The following AZIN2 variants were observed in gnomAD, a reference collection of about 807,000 sequenced individuals.
AZIN2 encodes antizyme inhibitor 2.
In AZIN2, 28 loss-of-function variants were observed where a neutral mutation model predicts 47.8. That is an observed-to-expected ratio of 0.59 (90% CI 0.43 to 0.80). The LOEUF (loss-of-function observed/expected upper bound fraction) is 0.80. Ranked by LOEUF, AZIN2 falls within the 30% of genes least tolerant of loss-of-function variation. The pLI is 0.00. For synonymous variants in AZIN2, 221 were observed against 239.4 expected (o/e 0.92, Z 0.71); for missense variants, 535 against 582.5 (o/e 0.92, Z 0.84).
the AZIN2 span, among the ~76,000 whole-genome samples, chr1:33,151,225 G>T: frequency 6.6e-6 from 1 of 152,146 alleles, no homozygotes. Context: ...GCCCTGGCGA[G>T]CGGACCTGTG....
the AZIN2 span, among the ~76,000 whole-genome samples, chr1:33,153,119 A>T: frequency 6.4e-4 from 97 of 152,284 alleles, no homozygotes; most frequent in African/African-American, 2.2e-3. Context: ...GTGACCCAAT[A>T]GGAAGCCTGA....
At chr1:33,164,027 C>T in the AZIN2 span, 2 of 152,316 alleles carry the variant, frequency 1.3e-5, no homozygotes, top group African/African-American at 2.4e-5. Flanking sequence ...GCCCATAATA[C>T]TCCGCTCTCA....
At chr1:33,082,423 C>A in intron 4 of AZIN2, 69 bp downstream of exon 4, 1 of 1,091,500 alleles carries the variant, frequency 9.2e-7, no homozygotes, top group South Asian at 1.5e-5. Context: ...CAGGAAGGGT[C>A]CCTAGGGCCC....
chr1:33,133,523 A>G, the AZIN2 span, among the ~76,000 whole-genome samples: 7 of 152,322 alleles, frequency 4.6e-5, no homozygotes, highest in African/African-American at 1.4e-4. Flanking sequence ...CACGTTTTCC[A>G]TTTATACAGC....
chr1:33,114,933 G>A (rs1241411283), intron 10 of AZIN2, among the ~76,000 whole-genome samples: 10 of 152,146 alleles, frequency 6.6e-5, no homozygotes, highest in Admixed American at 6.5e-4. Context: ...GTGAGCCACC[G>A]CGCCCAGCCT....
chr1:33,158,166 C>A, the AZIN2 span: 1 of 1,239,820 alleles, frequency 8.1e-7, no homozygotes, highest in Non-Finnish European at 1.2e-6. Context: ...TTCACCCCAA[C>A]TGCCCCATGC....
At chr1:33,145,414 CTTTAA>C in the AZIN2 span, 2 of 162,230 alleles carry the variant, frequency 1.2e-5, no homozygotes, top group African/African-American at 2.4e-5. Flanking sequence ...ACATCTGTAA[CTTTAA>C]TTTAATACAA....
chr1:33,090,982 A>G (rs938565694), intron 5 of AZIN2, among the ~76,000 whole-genome samples: 6 of 151,832 alleles, frequency 4.0e-5, no homozygotes, highest in East Asian at 1.9e-4. Context: ...TTCACTTAAC[A>G]TGATGTCCTT....
the AZIN2 span, chr1:33,159,869 T>C: frequency 2.5e-6 from 4 of 1,612,824 alleles, no homozygotes; most frequent in East Asian, 8.9e-5. This position sits in a 1 kb window ranked among gnomAD's most constrained non-coding sequence, Gnocchi z 4.2. Context: ...AGCATGGCCT[T>C]CTGGCGTTCA....
At chr1:33,161,157 A>G in the AZIN2 span, among the ~76,000 whole-genome samples, 1 of 152,256 alleles carries the variant, frequency 6.6e-6, no homozygotes, top group Admixed American at 6.5e-5. The surrounding 1 kb of genome is among the most constrained non-coding windows in gnomAD (Gnocchi z 4.3). Flanking sequence ...GCGCACTCCA[A>G]GGCGCAGAGA....
At chr1:33,161,775 C>T in the AZIN2 span, among the ~76,000 whole-genome samples, 3 of 152,176 alleles carry the variant, frequency 2.0e-5, no homozygotes, top group Non-Finnish European at 2.9e-5. The surrounding 1 kb of genome is among the most constrained non-coding windows in gnomAD (Gnocchi z 4.3). Flanking sequence ...ACTCCTCTGG[C>T]TCCTCCTAGA....
chr1:33,119,857 G>C, intron 11 of AZIN2, 187 bp from the exon 12 acceptor site: 2 of 653,840 alleles, frequency 3.1e-6, no homozygotes, highest in Middle Eastern at 8.0e-4. Flanking sequence ...TCTTTCCCTT[G>C]TTGAGGGGTG....
At chr1:33,151,842 C>T in the AZIN2 span, among the ~76,000 whole-genome samples, 3 of 152,236 alleles carry the variant, frequency 2.0e-5, no homozygotes, top group Admixed American at 6.5e-5. Context: ...TCTGCCCAAG[C>T]AGCGGAGAAA....
intron 11 of AZIN2, chr1:33,119,579 G>A (rs1178827295): frequency 1.2e-5 from 2 of 172,382 alleles, no homozygotes; most frequent in African/African-American, 4.8e-5. Context: ...TTGAGAGAAT[G>A]GGATATGATT....
downstream of AZIN2, among the ~76,000 whole-genome samples, chr1:33,126,709 G>A (rs1032623965): frequency 6.6e-6 from 1 of 151,750 alleles, no homozygotes; most frequent in Non-Finnish European, 1.5e-5. Context: ...GAGGCACGTA[G>A]GACCCCCCCA....
the AZIN2 span, chr1:33,146,434 G>A: frequency 1.3e-5 from 2 of 159,220 alleles, no homozygotes; most frequent in East Asian, 3.7e-4. Context: ...GATCATCCAG[G>A]GAGGCTTGTC....
the AZIN2 span, chr1:33,158,438 G>T: frequency 6.3e-6 from 8 of 1,270,908 alleles, no homozygotes; most frequent in Non-Finnish European, 9.2e-6. Flanking sequence ...GGGCCCCGCA[G>T]CCACCTTCAG....
At chr1:33,083,286 C>A in intron 4 of AZIN2, 1 of 154,888 alleles carries the variant, frequency 6.5e-6, no homozygotes, top group Non-Finnish European at 1.4e-5. Context: ...GAAACTGAGT[C>A]CCAGGGAAGC....
Position 33,121,802 on chromosome 1 carries a change from C to T in AZIN2, c.*1620C>T, listed in dbSNP as rs1644800366. The stretch of plus-strand genomic sequence containing the variant: ...TTTCTATCTTCACTTGAGCTTCTCT[C>T]TAGGTAAGCCTGACCATCCTGCTTC... On this transcript the variant is annotated 3_prime_UTR_variant, in exon 12 of 12. Coordinates refer to ENST00000294517, the MANE Select transcript of AZIN2 (RefSeq NM_052998.4). Among the ~76,000 whole-genome samples the T allele has an allele frequency of 6.6e-6, 1 of 152,192 alleles. No individual in the cohort carries two copies. Among genetic ancestry groups the T allele is most frequent in the African/African-American group, 2.4e-5 (1 of 41,448 alleles).
Sources: gnomAD v4.1 joint callset for allele counts (sites outside exome capture counted in the v4.1 genomes callset) on GRCh38, gnomAD v4.1.1 for gene constraint, Gnocchi (gnomAD v3.1) non-coding constraint, MANE v1.5 for transcripts, NCBI Gene and HGNC (gene_info 2026-07-23, HGNC 2026-07-21) for gene names.